The following HIVEP3 variants were observed in gnomAD, a reference collection of about 807,000 sequenced individuals.
HIVEP3 encodes the protein HIVEP zinc finger 3.
HIVEP3 carries 49 observed loss-of-function variants against 152.8 expected under a neutral mutation model. The observed-to-expected ratio is 0.32, with a 90% CI of 0.26 to 0.41. The LOEUF (loss-of-function observed/expected upper bound fraction) is 0.41, where lower values mean the gene tolerates loss of function less well. Ranked by LOEUF, HIVEP3 falls within the 10% of genes least tolerant of loss-of-function variation. The pLI, the probability that HIVEP3 is intolerant of heterozygous loss-of-function variation, is 1.00. For missense variants in HIVEP3, 2,790 were observed against 3,103.3 expected (o/e 0.90, Z 2.40); for synonymous variants, 1,269 against 1,289.0 (o/e 0.98, Z 0.33).
chr1:41,903,351 C>CCT (rs1358229248), intron 1 of HIVEP3, among the ~76,000 whole-genome samples: 4 of 152,208 alleles, frequency 2.6e-5, no homozygotes, highest in Non-Finnish European at 5.9e-5. Flanking sequence ...ACTCTCTGTG[C>CCT]CTCAGTTTCC....
At position 41,636,947 on chromosome 1, in the gene HIVEP3, G is replaced by A. The variant is rs567397937; in HGVS notation, c.-720-8000C>T. On this transcript the variant is annotated intron_variant, in intron 2 of 8. Coordinates refer to ENST00000372583, the MANE Select transcript of HIVEP3 (RefSeq NM_024503.5). ...GCACTCCAGCCTGGGCAACAAGAGCGAAACTCCATCTCAAAAAAAAAAAAA... is the reference window on the plus strand; with the variant it reads ...GCACTCCAGCCTGGGCAACAAGAGCAAAACTCCATCTCAAAAAAAAAAAAA... Among the ~76,000 whole-genome samples, 9 of 110,886 alleles carry A rather than the reference G, an allele frequency of 8.1e-5. No homozygotes were observed. In the South Asian group the frequency reaches 1.3e-3, roughly 16 times the overall value. The allele number at this position is 110,886 out of a possible 152,430, so 72.7% of individuals were successfully genotyped here.
intron 1 of HIVEP3, among the ~76,000 whole-genome samples, chr1:41,796,356 T>C (rs7538636): frequency 1 from 151,629 of 152,372 alleles, 75,450 homozygotes; most frequent in Middle Eastern, 1. Context: ...TCTGTTCCTC[T>C]GGGCCTGGAG....
Position 42,005,333 on chromosome 1 carries a change from G to A in HIVEP3, n.119+30474C>T, listed in dbSNP as rs115705777. Among the ~76,000 whole-genome samples, 121 of 151,852 alleles carry A rather than the reference G, an allele frequency of 8.0e-4. 2 individuals carry two copies. Among genetic ancestry groups the A allele is most frequent in the African/African-American group, 2.6e-3 (108 of 41,380 alleles). On this transcript the variant is annotated intron_variant and non_coding_transcript_variant, in intron 1 of 3. Transcript: ENST00000489103. Reference sequence around the variant, plus strand: ...AGTAGGTGTACACACACAGACACACGCACGCACACATACATATATATGTAT... The same window carrying A: ...AGTAGGTGTACACACACAGACACACACACGCACACATACATATATATGTAT...
rs1264078289 is a variant in HIVEP3 at position 41,584,675 on chromosome 1, G to A, written c.123C>T (p.Gly41=). ...CGGGGCTCTCTTGGGTGGCAGCTGTGCCGCTGCCTGGGTATGGGACGCTGG... is the reference window on the plus strand; with the variant it reads ...CGGGGCTCTCTTGGGTGGCAGCTGTACCGCTGCCTGGGTATGGGACGCTGG... ...VSSSVPYPGS[G]TAATQESPAQ... The change falls in exon 4 of 9, where the codon GGC becomes GGT. Residue 41 remains glycine, a synonymous_variant. Coordinates refer to ENST00000372583, the MANE Select transcript of HIVEP3 (RefSeq NM_024503.5). The surrounding 1 kb of genome is among the most constrained non-coding windows in gnomAD (Gnocchi z 5.2). The A allele has an allele frequency of 6.3e-7, 1 of 1,586,634 alleles. No homozygotes were observed. Among genetic ancestry groups the A allele is most frequent in the Admixed American group, 1.8e-5 (1 of 56,144 alleles).
At chr1:41,920,597 T>C (rs909274817), upstream of HIVEP3, among the ~76,000 whole-genome samples, 2 of 132,956 alleles carry the variant, frequency 1.5e-5, no homozygotes, top group African/African-American at 8.3e-5. Flanking sequence ...TTTTGTTTTG[T>C]TTTTTACCCC....
chr1:41,568,771 A>C (rs1380282300), intron 5 of HIVEP3, among the ~76,000 whole-genome samples: 1 of 152,246 alleles, frequency 6.6e-6, no homozygotes, highest in African/African-American at 2.4e-5. Context: ...CATCTTGCTT[A>C]ACTGAATGAG....
chr1:41,758,043 T>C (rs143377406), intron 1 of HIVEP3, among the ~76,000 whole-genome samples: 119 of 152,278 alleles, frequency 7.8e-4, no homozygotes, highest in Middle Eastern at 6.8e-3. Context: ...AATTATATAT[T>C]CTTTATGGAA....
At chr1:41,842,922 T>C (rs1166012142) in intron 1 of HIVEP3, among the ~76,000 whole-genome samples, 1 of 152,188 alleles carries the variant, frequency 6.6e-6, no homozygotes, top group Non-Finnish European at 1.5e-5. Context: ...AGTTCCAATC[T>C]CTGCAGCTTT....
At position 42,035,654 on chromosome 1, in the gene HIVEP3, G is replaced by C. The variant is rs536123027; in HGVS notation, n.119+153C>G. Among the ~76,000 whole-genome samples the C allele has an allele frequency of 8.6e-5, 13 of 152,038 alleles. No homozygotes were observed. The South Asian group carries it at 2.5e-3, about 29-fold the overall frequency. Reference sequence around the variant, plus strand: ...AGGGGGCCGGCGCCCGGAGGCGTTGGGGGGATGGGGAGGGCTCTCGTCCCG... The same window carrying C: ...AGGGGGCCGGCGCCCGGAGGCGTTGCGGGGATGGGGAGGGCTCTCGTCCCG... On this transcript the variant is annotated intron_variant and non_coding_transcript_variant, in intron 1 of 3. Coordinates refer to the HIVEP3 transcript ENST00000489103.
At chr1:41,749,248 G>A (rs1647119250) in intron 1 of HIVEP3, among the ~76,000 whole-genome samples, 1 of 152,190 alleles carries the variant, frequency 6.6e-6, no homozygotes, top group Non-Finnish European at 1.5e-5. Context: ...TGGTAGGGAT[G>A]GGTCACCCTC....
intron 1 of HIVEP3, among the ~76,000 whole-genome samples, chr1:41,826,139 C>T (rs1378279515): frequency 2.0e-5 from 3 of 152,194 alleles, no homozygotes. Context: ...ATAAGTGGGG[C>T]CACCCTGCTT....
intron 1 of HIVEP3, among the ~76,000 whole-genome samples, chr1:41,811,346 C>T (rs1020272789): frequency 1.3e-5 from 2 of 151,088 alleles, no homozygotes; most frequent in African/African-American, 2.4e-5. Context: ...GGATCCATGT[C>T]TTCTGCTTGC....
chr1:41,717,847 G>A (rs936432271), intron 1 of HIVEP3, among the ~76,000 whole-genome samples: 1 of 152,186 alleles, frequency 6.6e-6, no homozygotes, highest in Non-Finnish European at 1.5e-5. Context: ...GGGAGGGTGA[G>A]TCAGTCATTC....
chr1:41,856,440 G>A (rs1643768307), intron 1 of HIVEP3, among the ~76,000 whole-genome samples: 1 of 152,160 alleles, frequency 6.6e-6, no homozygotes, highest in Admixed American at 6.5e-5. Context: ...GTTGGCTAAG[G>A]GGAAGAGAAA....
intron 1 of HIVEP3, among the ~76,000 whole-genome samples, chr1:41,969,364 T>C (rs559843240): frequency 1.2e-4 from 18 of 152,134 alleles, no homozygotes; most frequent in South Asian, 6.2e-4. Flanking sequence ...AATAGACACA[T>C]AGACCAATGG....
chr1:41,652,005 G>C (rs1285871664), intron 2 of HIVEP3, among the ~76,000 whole-genome samples: 1 of 152,168 alleles, frequency 6.6e-6, no homozygotes, highest in Admixed American at 6.5e-5. Context: ...CTAATACATA[G>C]CTTTCTATGC....
intron 5 of HIVEP3, among the ~76,000 whole-genome samples, chr1:41,527,765 T>G (rs1033157919): frequency 3.1e-5 from 4 of 128,980 alleles, no homozygotes; most frequent in African/African-American, 1.2e-4. Flanking sequence ...ACCTTCACAC[T>G]CCACACTCCT....
At chr1:41,522,068 C>G (rs1642773512) in intron 6 of HIVEP3, among the ~76,000 whole-genome samples, 1 of 152,234 alleles carries the variant, frequency 6.6e-6, no homozygotes, top group Non-Finnish European at 1.5e-5. Context: ...GACAGGAAGG[C>G]AGGAGGGGCT....
At chr1:41,697,697 G>C (rs1485343109) in intron 2 of HIVEP3, among the ~76,000 whole-genome samples, 2 of 152,190 alleles carry the variant, frequency 1.3e-5, no homozygotes, top group Non-Finnish European at 2.9e-5. Context: ...GCCCTGATCT[G>C]AGGCCTTTGC....
Sources: gnomAD v4.1 joint callset for allele counts (sites outside exome capture counted in the v4.1 genomes callset) on GRCh38, gnomAD v4.1.1 for gene constraint, Gnocchi (gnomAD v3.1) non-coding constraint, MANE v1.5 for transcripts, NCBI Gene and HGNC (gene_info 2026-07-23, HGNC 2026-07-21) for gene names.